The following ATP8B4 variants were observed in gnomAD, a reference collection of about 807,000 sequenced individuals.
ATP8B4 encodes the protein probable phospholipid-transporting ATPase IM.
Under a neutral mutation model 145.6 loss-of-function variants are expected in ATP8B4, and 133 were observed. That is an observed-to-expected ratio of 0.91 (90% CI 0.79 to 1.05). ATP8B4 has a LOEUF of 1.05. Among genes scored for constraint, ATP8B4 ranks in the 50% least tolerant of loss-of-function variants. ATP8B4 has a pLI of 0.00. For synonymous variants in ATP8B4, 507 were observed against 492.9 expected (o/e 1.03, Z -0.38); for missense variants, 1,458 against 1,425.2 (o/e 1.02, Z -0.37).
intron 20 of ATP8B4, among the ~76,000 whole-genome samples, chr15:49,909,523 C>T (rs933472008): frequency 2.0e-5 from 3 of 152,144 alleles, no homozygotes; most frequent in South Asian, 4.1e-4. Context: ...ATCATCCCAC[C>T]AGGACACACT....
chr15:49,940,374 A>G (rs899897400), intron 14 of ATP8B4, among the ~76,000 whole-genome samples: 1 of 152,292 alleles, frequency 6.6e-6, no homozygotes, highest in Middle Eastern at 3.4e-3. Context: ...AGGTGCAACA[A>G]TAGACACCAG....
At chr15:50,141,935 G>A (rs915165129) in intron 1 of ATP8B4, among the ~76,000 whole-genome samples, 2 of 152,318 alleles carry the variant, frequency 1.3e-5, no homozygotes, top group Middle Eastern at 6.8e-3. Flanking sequence ...AGAGGAGGGA[G>A]CAACTTCTCT....
intron 2 of ATP8B4, among the ~76,000 whole-genome samples, chr15:50,079,213 T>C (rs139440975): frequency 3.3e-5 from 5 of 152,212 alleles, no homozygotes; most frequent in African/African-American, 4.8e-5. Context: ...ATACCTACTA[T>C]GTACTCACAA....
rs2035027081 is a variant in ATP8B4 at position 49,879,393 on chromosome 15, T to C, written c.2764A>G (p.Met922Val). 1.9e-6 allele frequency: 3 copies of C among 1,611,862 alleles called. No individual in the cohort carries two copies. The highest frequency in any genetic ancestry group is 2.5e-6 in the Non-Finnish European group (3 of 1,178,804). Residue 922 changes from methionine (M) to valine (V), a missense_variant, in exon 24 of 28, where the codon ATG becomes GTG. By Grantham distance (21) the Met-to-Val change is conservative. Transcript: ENST00000284509. ...AAACATACCTGGTCAAAAATCCCCA[T>C]GGCTAAAACAGGCAGTGATGTGTAA... Reference protein sequence around the residue: ...IVYTSLPVLAMGIFDQDVSDQ... With the variant: ...IVYTSLPVLAVGIFDQDVSDQ...
chr15:50,001,145 A>AT lies in ATP8B4; in HGVS notation c.506+1007dup, dbSNP rs199580347. Among the ~76,000 whole-genome samples the AT allele has an allele frequency of 5.9e-3, 888 of 149,634 alleles. 5 individuals carry two copies. The highest frequency in any genetic ancestry group is 0.018 in the African/African-American group (740 of 40,742). Reference sequence around the variant, plus strand: ...TAGCTCTGTGTCGTTGATTTTCTTTATTTTTTTTGTTTTCAAGTCTATTTA... The same window carrying AT: ...TAGCTCTGTGTCGTTGATTTTCTTTATTTTTTTTTGTTTTCAAGTCTATTTA... On this transcript the variant is annotated intron_variant, in intron 8 of 27. Coordinates refer to ENST00000284509, the MANE Select transcript of ATP8B4 (RefSeq NM_024837.4).
chr15:50,161,983 T>A (rs988116816), intron 1 of ATP8B4, among the ~76,000 whole-genome samples: 4 of 152,202 alleles, frequency 2.6e-5, no homozygotes, highest in African/African-American at 9.6e-5. Flanking sequence ...TCAGCATTAG[T>A]TTGTCTTGAA....
intron 15 of ATP8B4, among the ~76,000 whole-genome samples, chr15:49,933,173 G>A: frequency 6.7e-6 from 1 of 150,302 alleles, no homozygotes; most frequent in African/African-American, 2.4e-5. Flanking sequence ...TAAAACCTAA[G>A]AACCAACAGA....
upstream of ATP8B4, among the ~76,000 whole-genome samples, chr15:50,121,717 C>A (rs2057272495): frequency 6.6e-6 from 1 of 152,006 alleles, no homozygotes; most frequent in Admixed American, 6.6e-5. Context: ...AGAGCTTAAA[C>A]TTTCATCCCT....
chr15:50,027,883 G>A (rs924191411), intron 6 of ATP8B4, among the ~76,000 whole-genome samples: 5 of 152,108 alleles, frequency 3.3e-5, no homozygotes, highest in Admixed American at 1.3e-4. Context: ...ACTCAACAAC[G>A]TTATTTGAGG....
chr15:50,035,693 A>G (rs540774793), intron 6 of ATP8B4, among the ~76,000 whole-genome samples: 1 of 152,308 alleles, frequency 6.6e-6, no homozygotes, highest in African/African-American at 2.4e-5. Context: ...GAGAAGGGGT[A>G]CCTGAAGCCC....
intron 6 of ATP8B4, among the ~76,000 whole-genome samples, chr15:50,019,564 A>G (rs2049365996): frequency 6.6e-6 from 1 of 152,194 alleles, no homozygotes; most frequent in African/African-American, 2.4e-5. Context: ...GCACCTCATT[A>G]TAAGGATTGT....
At chr15:50,069,176 A>AGG (rs1331382688) in intron 3 of ATP8B4, among the ~76,000 whole-genome samples, 1 of 152,140 alleles carries the variant, frequency 6.6e-6, no homozygotes, top group East Asian at 1.9e-4. Context: ...ATTTTGTCTT[A>AGG]CACATTTTGG....
intron 20 of ATP8B4, among the ~76,000 whole-genome samples, chr15:49,916,008 G>A (rs556942136): frequency 1.3e-5 from 2 of 151,868 alleles, no homozygotes; most frequent in South Asian, 4.2e-4. Context: ...TATATTGAAG[G>A]AAGGTTAGCT....
intron 5 of ATP8B4, 27 bp downstream of exon 5, chr15:50,044,567 C>T (rs778781464): frequency 1.3e-6 from 2 of 1,506,542 alleles, no homozygotes; most frequent in Non-Finnish European, 1.8e-6. Flanking sequence ...ATTGAGACCT[C>T]AAGAATGCTC....
chr15:50,034,164 T>C (rs973964709), intron 6 of ATP8B4, among the ~76,000 whole-genome samples: 4 of 152,060 alleles, frequency 2.6e-5, no homozygotes, highest in Admixed American at 2.6e-4. Context: ...GACTAAGTAA[T>C]TTACATTCCC....
At chr15:49,934,705 AC>A (rs1328080173) in intron 14 of ATP8B4, among the ~76,000 whole-genome samples, 1 of 152,104 alleles carries the variant, frequency 6.6e-6, no homozygotes, top group Non-Finnish European at 1.5e-5. Flanking sequence ...ATGGCAGACA[AC>A]ACCATATTGT....
Position 50,107,003 on chromosome 15 carries a change from G to C in ATP8B4, c.-37C>G. The C allele has an allele frequency of 6.5e-7, 1 of 1,539,822 alleles. No individual in the cohort carries two copies. Among genetic ancestry groups the C allele is most frequent in the Non-Finnish European group, 8.7e-7 (1 of 1,149,036 alleles). On this transcript the variant is annotated 5_prime_UTR_variant, in exon 2 of 28. Coordinates refer to ENST00000284509, the MANE Select transcript of ATP8B4 (RefSeq NM_024837.4). ...ATCTTTCACCAGGTCTCAACAGGTGGCCTACCTAAGAAAAAGAAGTATGCA... is the reference window on the plus strand; with the variant it reads ...ATCTTTCACCAGGTCTCAACAGGTGCCCTACCTAAGAAAAAGAAGTATGCA...
intron 20 of ATP8B4, among the ~76,000 whole-genome samples, chr15:49,906,133 CAT>C (rs2038595876): frequency 6.6e-6 from 1 of 152,150 alleles, no homozygotes; most frequent in Non-Finnish European, 1.5e-5. Context: ...ATGTATATAT[CAT>C]AGCATTTAAC....
intron 2 of ATP8B4, among the ~76,000 whole-genome samples, chr15:50,080,944 T>C (rs1029848449): frequency 1.3e-5 from 2 of 151,960 alleles, no homozygotes; most frequent in African/African-American, 4.8e-5. Context: ...AAACCCCATC[T>C]CTACGAAAAA....
Sources: allele counts gnomAD v4.1 joint callset (sites outside exome capture counted in the v4.1 genomes callset), GRCh38; gene constraint gnomAD v4.1.1; transcripts MANE v1.5; gene names NCBI Gene and HGNC (gene_info 2026-07-23, HGNC 2026-07-21).